SCML4: variants seen among roughly 807,000 people sequenced by gnomAD.
SCML4 encodes Scm polycomb group protein like 4.
A neutral mutation model predicts 41.1 loss-of-function variants in SCML4; 34 were observed. The observed-to-expected ratio is 0.83, with a 90% CI of 0.63 to 1.10. The LOEUF (loss-of-function observed/expected upper bound fraction) is 1.10. Among genes scored for constraint, SCML4 ranks in the 50% least tolerant of loss-of-function variants. The pLI, the probability that SCML4 is intolerant of heterozygous loss-of-function variation, is 0.00. For missense variants in SCML4, 522 were observed against 534.1 expected, an observed-to-expected ratio of 0.98 and a Z score of 0.22; for synonymous variants, 214 against 220.9, an observed-to-expected ratio of 0.97 and a Z score of 0.28.
At chr6:107,744,831 A>G in intron 5 of SCML4, 118 bp downstream of exon 5, 2 of 848,102 alleles carry the variant, frequency 2.4e-6, no homozygotes, top group Non-Finnish European at 3.7e-6. Context: ...CAGGCAGCCC[A>G]TGGGGCTCCA....
At position 107,775,320 on chromosome 6, in the gene SCML4, G is replaced by A. The variant is rs368244076; in HGVS notation, c.-59-2934C>T. 5.3e-5 allele frequency among the ~76,000 whole-genome samples: 8 copies of A among 152,278 alleles called. No individual in the cohort carries two copies. In the East Asian group the frequency reaches 7.7e-4, roughly 15 times the overall value. ...AAGGAAGCTTTCTCTGACCCCGCTAGGGTTTCCTGAGCTTAGAGTTCCTCA... is the reference window on the plus strand; with the variant it reads ...AAGGAAGCTTTCTCTGACCCCGCTAAGGTTTCCTGAGCTTAGAGTTCCTCA... On this transcript the variant is annotated intron_variant, in intron 1 of 7. Transcript: ENST00000369020.
At chr6:107,729,138 A>G (rs565719083) in intron 5 of SCML4, among the ~76,000 whole-genome samples, 47 of 152,270 alleles carry the variant, frequency 3.1e-4, no homozygotes, top group Non-Finnish European at 4.7e-4. Flanking sequence ...GGGTATATTC[A>G]TTTCCTAGGA....
intron 2 of SCML4, among the ~76,000 whole-genome samples, chr6:107,763,736 T>G (rs1005303659): frequency 6.6e-5 from 10 of 152,212 alleles, no homozygotes; most frequent in Non-Finnish European, 1.2e-4. Flanking sequence ...GCTTGCTCGC[T>G]GTCTCCACCA....
At chr6:107,801,558 G>C (rs1240570618) in intron 1 of SCML4, among the ~76,000 whole-genome samples, 3 of 152,156 alleles carry the variant, frequency 2.0e-5, no homozygotes, top group Non-Finnish European at 4.4e-5. Flanking sequence ...TCATAGAAAA[G>C]TATGGTTTTA....
intron 2 of SCML4, among the ~76,000 whole-genome samples, chr6:107,756,704 G>A (rs1031944754): frequency 3.9e-5 from 6 of 152,270 alleles, no homozygotes; most frequent in African/African-American, 9.6e-5. Context: ...AATCAGGTGC[G>A]GGGTACGTGA....
upstream of SCML4, among the ~76,000 whole-genome samples, chr6:107,826,467 C>G (rs1758601834): frequency 6.6e-6 from 1 of 152,050 alleles, no homozygotes; most frequent in Admixed American, 6.6e-5. Flanking sequence ...AGACATTAGA[C>G]CAATTTTCAC....
chr6:107,811,616 C>T (rs1784165373), intron 1 of SCML4, among the ~76,000 whole-genome samples: 1 of 152,346 alleles, frequency 6.6e-6, no homozygotes, highest in East Asian at 1.9e-4. Context: ...AATGTGTCTT[C>T]TTCAATCCCC....
At chr6:107,835,258 G>A in the SCML4 span, among the ~76,000 whole-genome samples, 2 of 152,070 alleles carry the variant, frequency 1.3e-5, no homozygotes, top group African/African-American at 4.8e-5. Context: ...CTATTCAGCA[G>A]GCTGAGATGG....
At chr6:107,736,283 T>C (rs1777059007) in intron 5 of SCML4, among the ~76,000 whole-genome samples, 1 of 152,188 alleles carries the variant, frequency 6.6e-6, no homozygotes, top group Non-Finnish European at 1.5e-5. Flanking sequence ...ACATCTTTGC[T>C]AGAAGCAACA....
intron 5 of SCML4, among the ~76,000 whole-genome samples, chr6:107,742,731 T>C (rs1209836760): frequency 6.6e-6 from 1 of 152,018 alleles, no homozygotes; most frequent in Non-Finnish European, 1.5e-5. Context: ...GTAAATAAAT[T>C]TTCTCCCAGA....
intron 1 of SCML4, among the ~76,000 whole-genome samples, chr6:107,779,896 C>T (rs552587028): frequency 2.0e-4 from 30 of 152,330 alleles, no homozygotes; most frequent in Middle Eastern, 3.4e-3. Context: ...TCTCTCAACT[C>T]CTTTACCACC....
intron 5 of SCML4, among the ~76,000 whole-genome samples, chr6:107,741,243 G>GA (rs2114482010): frequency 6.6e-6 from 1 of 152,182 alleles, no homozygotes; most frequent in East Asian, 1.9e-4. Context: ...GGGCCACAGA[G>GA]AAATGAAAAA....
At chr6:107,832,012 G>A in the SCML4 span, among the ~76,000 whole-genome samples, 6 of 150,100 alleles carry the variant, frequency 4.0e-5, no homozygotes, top group East Asian at 3.9e-4. Context: ...GCAGTGAGCC[G>A]AGATCGAGCC....
At chr6:107,834,194 A>G in the SCML4 span, among the ~76,000 whole-genome samples, 9 of 152,316 alleles carry the variant, frequency 5.9e-5, no homozygotes, top group Admixed American at 5.9e-4. Flanking sequence ...TTAAACTGGA[A>G]GTCCCAGGAA....
At chr6:107,749,898 C>T in intron 2 of SCML4, 85 bp from the exon 3 acceptor site, 1 of 1,391,910 alleles carries the variant, frequency 7.2e-7, no homozygotes, top group East Asian at 2.3e-5. Context: ...GGCAGTTAAC[C>T]ATTGCTCTTC....
chr6:107,822,495 CTTTTTTTCTTTTCTT>C (rs1430289727), intron 1 of SCML4, among the ~76,000 whole-genome samples: 5 of 77,806 alleles, frequency 6.4e-5, no homozygotes, highest in South Asian at 5.1e-4. Flanking sequence ...TTACTCTTTT[CTTTTTTTCTTTTCTT>C]TTTTTTTTTT....
chr6:107,773,287 A>G (rs1365011269), intron 1 of SCML4, among the ~76,000 whole-genome samples: 1 of 152,114 alleles, frequency 6.6e-6, no homozygotes, highest in Admixed American at 6.6e-5. Flanking sequence ...TGGCACTAAA[A>G]ATATGAATAA....
At chr6:107,739,937 C>G in intron 5 of SCML4, 1 of 360,326 alleles carries the variant, frequency 2.8e-6, no homozygotes, top group Non-Finnish European at 5.4e-6. Flanking sequence ...TTCCCCAAGG[C>G]TCCCTGACAA....
At chr6:107,735,513 T>C (rs367706421) in intron 5 of SCML4, among the ~76,000 whole-genome samples, 4 of 151,928 alleles carry the variant, frequency 2.6e-5, no homozygotes, top group Non-Finnish European at 5.9e-5. Flanking sequence ...TCACATAAAG[T>C]CATGGCCCGA....
Sources: gnomAD v4.1 joint callset for allele counts (sites outside exome capture counted in the v4.1 genomes callset) on GRCh38, gnomAD v4.1.1 for gene constraint, MANE v1.5 for transcripts, NCBI Gene and HGNC (gene_info 2026-07-23, HGNC 2026-07-21) for gene names.